PCDHA3: variants seen among roughly 807,000 people sequenced by gnomAD.
PCDHA3 encodes protocadherin alpha 3.
A neutral mutation model predicts 62.2 loss-of-function variants in PCDHA3; 41 were observed. The ratio of observed to expected loss-of-function variants is 0.66; its 90% CI spans 0.51 to 0.86. The LOEUF (loss-of-function observed/expected upper bound fraction) is 0.86. Among genes scored for constraint, PCDHA3 ranks in the 40% least tolerant of loss-of-function variants. The pLI is 0.00. For missense variants in PCDHA3, 1,304 were observed against 1,241.2 expected (o/e 1.05, Z -0.76); for synonymous variants, 640 against 555.4 (o/e 1.15, Z -2.14).
Position 140,857,247 on chromosome 5 carries a change from A to G in PCDHA3, c.2394+53656A>G. ...GTTCCGTTCAAGCTGGTGTCCACCT[A>G]CAAGAATTACTACTCATTGGTGCTG... is the stretch of plus-strand genomic sequence containing the variant. On this transcript the variant is annotated intron_variant, in intron 1 of 3. Coordinates refer to ENST00000522353, the MANE Select transcript of PCDHA3 (RefSeq NM_018906.3). 3 of 1,598,564 alleles carry G rather than the reference A, an allele frequency of 1.9e-6. 1 individual carries two copies. Among genetic ancestry groups the G allele is most frequent in the African/African-American group, 2.7e-5 (2 of 74,420 alleles).
intron 1 of PCDHA3, chr5:140,849,736 AC>A: frequency 1.3e-6 from 2 of 1,598,292 alleles, no homozygotes; most frequent in Non-Finnish European, 1.7e-6. Flanking sequence ...AGAGCTCTGG[AC>A]CGCGAGAGTG....
chr5:140,901,146 C>A (rs1463079898), intron 1 of PCDHA3, among the ~76,000 whole-genome samples: 1 of 152,180 alleles, frequency 6.6e-6, no homozygotes, highest in African/African-American at 2.4e-5. Flanking sequence ...AATATTTTCT[C>A]TCAATCTGTG....
intron 1 of PCDHA3, among the ~76,000 whole-genome samples, chr5:140,839,603 T>TG (rs1554137521): frequency 6.6e-6 from 1 of 152,086 alleles, no homozygotes; most frequent in African/African-American, 2.4e-5. Context: ...TTGCCCAGGC[T>TG]GGTCTCAAAC....
intron 3 of PCDHA3, among the ~76,000 whole-genome samples, chr5:141,005,573 G>A (rs947306752): frequency 4.0e-5 from 6 of 151,140 alleles, no homozygotes; most frequent in Admixed American, 1.3e-4. Context: ...ATGGTGGCGC[G>A]TGCCTGTAGT....
chr5:140,808,771 A>T, intron 1 of PCDHA3: 1 of 1,612,410 alleles, frequency 6.2e-7, no homozygotes, highest in Non-Finnish European at 8.5e-7. Flanking sequence ...ACGAGGAGCT[A>T]GAGCTGCTGC....
intron 1 of PCDHA3, chr5:140,858,899 C>G (rs1236968449): frequency 4.9e-6 from 1 of 203,942 alleles, no homozygotes; most frequent in South Asian, 8.1e-5. Context: ...ATATGTGTAG[C>G]GTACCACAGC....
intron 1 of PCDHA3, chr5:140,815,235 G>A (rs2126662512): frequency 6.6e-5 from 10 of 152,072 alleles, no homozygotes; most frequent in African/African-American, 2.2e-4. Context: ...TTTGTTAATT[G>A]TTGTTTGCAG....
chr5:140,823,532 C>T (rs138704270), intron 1 of PCDHA3: 7 of 1,613,746 alleles, frequency 4.3e-6, no homozygotes, highest in Non-Finnish European at 4.2e-6. Context: ...TCAGTGGGTG[C>T]GGGCCACGTG....
chr5:140,801,761 A>G lies in PCDHA3; in HGVS notation c.564A>G (p.Glu188=), dbSNP rs1762778160. Residue 188 remains glutamate, a synonymous_variant, in exon 1 of 4, where the codon GAA becomes GAG. Transcript: ENST00000522353. The stretch of plus-strand genomic sequence containing the variant: ...TGGACGTTAAAAGAAATGATGAGGA[A>G]ATTAAATCCCTTGGACTCGTGTTGA... ...FTLDVKRNDE[E]IKSLGLVLKK... The G allele has an allele frequency of 1.2e-6, 2 of 1,613,888 alleles. No homozygotes were observed. Among genetic ancestry groups the G allele is most frequent in the African/African-American group, 2.7e-5 (2 of 74,900 alleles).
chr5:140,809,194 TGTG>T, intron 1 of PCDHA3: 1 of 1,613,998 alleles, frequency 6.2e-7, no homozygotes, highest in East Asian at 2.2e-5. Flanking sequence ...TGGTGTCACT[TGTG>T]GAGAGTGGAC....
intron 1 of PCDHA3, among the ~76,000 whole-genome samples, chr5:140,926,076 T>C (rs2082906284): frequency 1.3e-5 from 2 of 152,204 alleles, no homozygotes; most frequent in Admixed American, 1.3e-4. Context: ...TCGTCTCTAT[T>C]GCCCTCTTGG....
intron 1 of PCDHA3, chr5:140,809,605 G>A (rs1414368210): frequency 5.2e-6 from 8 of 1,524,772 alleles, no homozygotes; most frequent in African/African-American, 1.4e-5. Flanking sequence ...TTTAATTTTC[G>A]TATTGTTTTT....
At chr5:140,830,563 TTC>T (rs1554132929) in intron 1 of PCDHA3, 10 of 991,784 alleles carry the variant, frequency 1.0e-5, no homozygotes, top group African/African-American at 1.7e-5. Context: ...TCTTCTATAT[TTC>T]TGTTTTTAAT....
intron 1 of PCDHA3, among the ~76,000 whole-genome samples, chr5:140,912,358 T>G (rs2075885370): frequency 1.4e-5 from 2 of 146,130 alleles, no homozygotes; most frequent in African/African-American, 2.6e-5. Flanking sequence ...TTTTTTTTTT[T>G]GCAGCTGTTG....
intron 1 of PCDHA3, among the ~76,000 whole-genome samples, chr5:140,937,163 G>A (rs1169573071): frequency 2.0e-5 from 3 of 150,028 alleles, no homozygotes; most frequent in East Asian, 4.0e-4. Flanking sequence ...TCAGCCTCCC[G>A]AGTAGCTGGG....
At chr5:140,829,216 C>T (rs2150164003) in intron 1 of PCDHA3, 2 of 1,614,120 alleles carry the variant, frequency 1.2e-6, no homozygotes, top group African/African-American at 2.7e-5. Context: ...TTAGCGTGAA[C>T]GACCTCGATT....
In PCDHA3 at chr5:140,875,509, C is replaced by A. The variant is rs1554167713; in HGVS notation, c.2394+71918C>A. On this transcript the variant is annotated intron_variant, in intron 1 of 3. Coordinates refer to ENST00000522353, the MANE Select transcript of PCDHA3 (RefSeq NM_018906.3). The stretch of plus-strand genomic sequence containing the variant: ...CGGACCAAGAGGCCCGGGATCCCAG[C>A]GTCTGCTGCTCTCGCTTCTGCTCCT... 3.7e-6 allele frequency: 6 copies of A among 1,613,576 alleles called. No individual in the cohort carries two copies. The Admixed American group carries it at 6.7e-5, about 18-fold the overall frequency.
At chr5:140,892,673 T>C (rs1554185319) in intron 1 of PCDHA3, among the ~76,000 whole-genome samples, 1 of 152,262 alleles carries the variant, frequency 6.6e-6, no homozygotes, top group East Asian at 1.9e-4. Flanking sequence ...TTGATACATA[T>C]ATACAATGTA....
chr5:140,817,601 C>T (rs1766165103), intron 1 of PCDHA3: 2 of 152,202 alleles, frequency 1.3e-5, no homozygotes, highest in Admixed American at 1.3e-4. Flanking sequence ...CCAGGCAACG[C>T]TAAGACCTTG....
Sources: allele counts gnomAD v4.1 joint callset (sites outside exome capture counted in the v4.1 genomes callset), GRCh38; gene constraint gnomAD v4.1.1; transcripts MANE v1.5; gene names NCBI Gene and HGNC (gene_info 2026-07-23, HGNC 2026-07-21).